Variants in ESRRB observed in about 807,000 individuals in gnomAD.
ESRRB encodes the protein estrogen related receptor beta.
Under a neutral mutation model 46.0 loss-of-function variants are expected in ESRRB, and 16 were observed. The ratio of observed to expected loss-of-function variants is 0.35; its 90% confidence interval spans 0.24 to 0.53. ESRRB has a LOEUF of 0.53. Ranked by LOEUF, ESRRB falls within the 20% of genes least tolerant of loss-of-function variation. The probability of loss-of-function intolerance (pLI) is 0.93; values close to 1 mark genes in which losing one functional copy is unlikely to be tolerated. For synonymous variants in ESRRB, 246 were observed against 259.6 expected (o/e 0.95, Z 0.50); for missense variants, 488 against 607.4 (o/e 0.80, Z 2.07).
chr14:76,332,790 A>T (rs1359899600), intron 1 of ESRRB, among the ~76,000 whole-genome samples: 761 of 8,620 alleles, frequency 0.088, 24 homozygotes, highest in Middle Eastern at 0.12. Flanking sequence ...TATTATATAT[A>T]AATATATAAT....
intron 1 of ESRRB, among the ~76,000 whole-genome samples, chr14:76,381,344 T>C (rs1595064091): frequency 6.6e-6 from 1 of 152,238 alleles, no homozygotes; most frequent in African/African-American, 2.4e-5. Flanking sequence ...CCAGCCTGCC[T>C]CCTGCCACTG....
chr14:76,444,888 T>A (rs954224666), intron 2 of ESRRB, among the ~76,000 whole-genome samples: 1 of 151,824 alleles, frequency 6.6e-6, no homozygotes, highest in African/African-American at 2.4e-5. Context: ...TTGGGCCAGG[T>A]GTGGTGGCTC....
intron 2 of ESRRB, among the ~76,000 whole-genome samples, chr14:76,458,300 C>T (rs59405929): frequency 0.055 from 8,362 of 152,128 alleles, 736 homozygotes; most frequent in African/African-American, 0.19. Flanking sequence ...ATCACTTTAT[C>T]GAGGAGGCAC....
intron 1 of ESRRB, among the ~76,000 whole-genome samples, chr14:76,330,571 A>G (rs535173274): frequency 6.6e-6 from 1 of 152,228 alleles, no homozygotes; most frequent in South Asian, 2.1e-4. Context: ...AGAGGTCGGG[A>G]CCCCTCCCTG....
In ESRRB at chr14:76,393,685, C is replaced by T. The variant is rs933433419; in HGVS notation, c.50+17234C>T. On this transcript the variant is annotated intron_variant, in intron 1 of 6. Transcript: ENST00000644823. ...GTGTTTCCAAGCAGGTGCCCATGTC[C>T]AGCAGATGCCTGCAAGACTTGAATC... Among the ~76,000 whole-genome samples, 14 of 152,196 alleles carry T rather than the reference C, an allele frequency of 9.2e-5. No individual in the cohort carries two copies. The South Asian group carries it at 2.7e-3, about 29-fold the overall frequency.
intron 1 of ESRRB, among the ~76,000 whole-genome samples, chr14:76,311,837 G>A (rs1261815687): frequency 6.6e-6 from 1 of 152,136 alleles, no homozygotes; most frequent in South Asian, 2.1e-4. Context: ...CTGTGTCCAC[G>A]GGGCTTACCT....
At chr14:76,484,484 T>A (rs1055525131) in intron 5 of ESRRB, among the ~76,000 whole-genome samples, 1 of 152,156 alleles carries the variant, frequency 6.6e-6, no homozygotes, top group Admixed American at 6.5e-5. Flanking sequence ...CAGGGCCAAA[T>A]TGGGTACAGG....
chr14:76,332,601 T>C (rs1336380372), intron 1 of ESRRB, among the ~76,000 whole-genome samples: 1 of 41,822 alleles, frequency 2.4e-5, no homozygotes, highest in East Asian at 6.5e-4. Flanking sequence ...TATTATATAT[T>C]ATATATTTAT....
At chr14:76,480,678 TG>T (rs1314436573) in intron 3 of ESRRB, among the ~76,000 whole-genome samples, 7 of 152,146 alleles carry the variant, frequency 4.6e-5, no homozygotes, top group Non-Finnish European at 8.8e-5. Context: ...GCCAACACTC[TG>T]GGGCTGAAGG....
chr14:76,330,873 C>T (rs532207709), intron 1 of ESRRB, among the ~76,000 whole-genome samples: 3 of 152,062 alleles, frequency 2.0e-5, no homozygotes, highest in Non-Finnish European at 2.9e-5. Flanking sequence ...GGGCTGGCCA[C>T]GGAAAAGCTG....
intron 1 of ESRRB, among the ~76,000 whole-genome samples, chr14:76,381,215 G>A (rs139260520): frequency 1.5e-3 from 221 of 152,220 alleles, no homozygotes; most frequent in African/African-American, 5.2e-3. Flanking sequence ...GGGAGGTTGT[G>A]GTGTTTATAA....
chr14:76,338,592 A>C (rs1884155527), intron 1 of ESRRB, among the ~76,000 whole-genome samples: 1 of 152,222 alleles, frequency 6.6e-6, no homozygotes, highest in Admixed American at 6.5e-5. Flanking sequence ...CTCCTTTCGA[A>C]GAGAGGGGTA....
chr14:76,490,834 CT>C (rs1890194775), intron 5 of ESRRB, among the ~76,000 whole-genome samples: 1 of 152,306 alleles, frequency 6.6e-6, no homozygotes, highest in South Asian at 2.1e-4. Context: ...GCAGGCTGTC[CT>C]GTGAGAAAGT....
At chr14:76,314,884 A>G (rs1200861507) in intron 1 of ESRRB, among the ~76,000 whole-genome samples, 1 of 151,960 alleles carries the variant, frequency 6.6e-6, no homozygotes, top group Non-Finnish European at 1.5e-5. Context: ...TTCCTTCTTC[A>G]GCTTGGAAAG....
chr14:76,492,493 T>G (rs1039224398), intron 6 of ESRRB, among the ~76,000 whole-genome samples: 5 of 152,234 alleles, frequency 3.3e-5, no homozygotes, highest in Non-Finnish European at 7.3e-5. Context: ...GCTAGGAGTT[T>G]ATTGAATTCT....
intron 2 of ESRRB, among the ~76,000 whole-genome samples, chr14:76,447,945 C>T (rs1479209597): frequency 6.6e-6 from 1 of 152,166 alleles, no homozygotes; most frequent in Non-Finnish European, 1.5e-5. Context: ...AATCAAAGCT[C>T]CAGAACATGG....
At chr14:76,456,828 C>T (rs963331657) in intron 2 of ESRRB, among the ~76,000 whole-genome samples, 10 of 152,062 alleles carry the variant, frequency 6.6e-5, no homozygotes, top group South Asian at 2.1e-4. Context: ...GGGGGAGGAT[C>T]GGGAGAGCAG....
chr14:76,354,236 A>AC (rs1483075397), intron 1 of ESRRB, among the ~76,000 whole-genome samples: 2 of 14,774 alleles, frequency 1.4e-4, no homozygotes, highest in African/African-American at 5.4e-4. Flanking sequence ...CCCCCCCCCC[A>AC]CCCACACTTC....
chr14:76,452,632 C>CAAAAAAAAAACAAAAAA (rs1555399039), intron 2 of ESRRB, among the ~76,000 whole-genome samples: 11 of 57,088 alleles, frequency 1.9e-4, no homozygotes, highest in Non-Finnish European at 3.5e-4. Flanking sequence ...AAAAAAAAAA[C>CAAAAAAAAAACAAAAAA]AAAACAAAAA....
Sources: allele counts gnomAD v4.1 joint callset (sites outside exome capture counted in the v4.1 genomes callset), GRCh38; gene constraint gnomAD v4.1.1; transcripts MANE v1.5; gene names NCBI Gene and HGNC (gene_info 2026-07-23, HGNC 2026-07-21).